GRK1: variants seen among roughly 807,000 people sequenced by gnomAD.
GRK1 encodes the protein rhodopsin kinase GRK1.
A neutral mutation model predicts 41.7 loss-of-function variants in GRK1; 28 were observed. The ratio of observed to expected loss-of-function variants is 0.67; its 90% CI spans 0.50 to 0.92. The LOEUF (loss-of-function observed/expected upper bound fraction) is 0.92, where lower values mean the gene tolerates loss of function less well. Among genes scored for constraint, GRK1 ranks in the 40% least tolerant of loss-of-function variants. The pLI is 0.00. For synonymous variants in GRK1, 327 were observed against 286.7 expected (o/e 1.14, Z -1.42); for missense variants, 703 against 671.2 (o/e 1.05, Z -0.52).
At chr13:113,733,664 TGTGTGCAC>T (rs796632828) in intron 6 of GRK1, among the ~76,000 whole-genome samples, 12,956 of 115,228 alleles carry the variant, frequency 0.11, 925 homozygotes, top group African/African-American at 0.2. Flanking sequence ...TGTGTGTGCG[TGTGTGCAC>T]GTGTGTGCAT....
the GRK1 span, among the ~76,000 whole-genome samples, chr13:113,651,363 C>T: frequency 1.3e-5 from 2 of 152,208 alleles, no homozygotes; most frequent in East Asian, 1.9e-4. Context: ...ATAAAAAGGA[C>T]AGAACTGGTG....
chr13:113,649,881 G>A, the GRK1 span, among the ~76,000 whole-genome samples: 1 of 152,192 alleles, frequency 6.6e-6, no homozygotes, highest in Non-Finnish European at 1.5e-5. This position sits in a 1 kb window ranked among gnomAD's most constrained non-coding sequence, Gnocchi z 4.7. Context: ...AGAAAAATTA[G>A]GCTGGGCGCA....
intron 6 of GRK1, chr13:113,734,328 T>A (rs972633905): frequency 6.6e-6 from 1 of 152,228 alleles, no homozygotes; most frequent in Admixed American, 6.5e-5. Flanking sequence ...CCAAGGGGGC[T>A]CCAAGGGGTC....
chr13:113,670,606 A>C (rs1273075987), intron 2 of GRK1, among the ~76,000 whole-genome samples: 1 of 152,156 alleles, frequency 6.6e-6, no homozygotes, highest in Non-Finnish European at 1.5e-5. Context: ...TTCAGATGAG[A>C]AATGTGAGTC....
the GRK1 span, chr13:113,653,023 C>T: frequency 1.2e-6 from 2 of 1,614,036 alleles, no homozygotes; most frequent in South Asian, 1.1e-5. Context: ...GGAAGAAGTA[C>T]TGCTCGGAGG....
the GRK1 span, chr13:113,650,426 A>G: frequency 1.9e-6 from 3 of 1,613,942 alleles, no homozygotes; most frequent in Non-Finnish European, 2.5e-6. This position sits in a 1 kb window ranked among gnomAD's most constrained non-coding sequence, Gnocchi z 5.0. Flanking sequence ...TTCCCGTAAT[A>G]AGGGAAGTAG....
the GRK1 span, chr13:113,653,408 C>G: frequency 5.0e-6 from 8 of 1,614,128 alleles, no homozygotes; most frequent in African/African-American, 5.3e-5. Context: ...CCTTTCTCCC[C>G]GTAAACATCC....
the GRK1 span, chr13:113,649,416 C>A: frequency 6.3e-6 from 10 of 1,590,082 alleles, no homozygotes; most frequent in Non-Finnish European, 8.6e-6. This position sits in a 1 kb window ranked among gnomAD's most constrained non-coding sequence, Gnocchi z 4.7. Context: ...TCCCTTCATA[C>A]GGGTCGTGGG....
Position 113,668,069 on chromosome 13 carries a change from A to C in GRK1, c.683A>C (p.Lys228Thr). Residue 228 changes from lysine (K) to threonine (T), a missense_variant, in exon 1 of 7, where the codon AAG becomes ACG. Lys to Thr is a moderately conservative substitution (Grantham distance 78). Transcript: ENST00000335678. ...AAGCTGAACAAGAAGCGGCTGAAGA[A>C]GAGGAAGGGCTACCAGGTGAGCAGC... ...CKKLNKKRLK[K>T]RKGYQGAMVE... 6.2e-7 allele frequency: 1 copy of C among 1,607,698 alleles called. No homozygotes were observed. The highest frequency in any genetic ancestry group is 8.5e-7 in the Non-Finnish European group (1 of 1,177,382).
chr13:113,670,865 GAGGGGTGCTAGGAAGCGCGGTCAC>G (rs1472721307), intron 2 of GRK1, among the ~76,000 whole-genome samples: 2 of 151,620 alleles, frequency 1.3e-5, no homozygotes, highest in Non-Finnish European at 2.9e-5. Context: ...AGGAGGAGGG[GAGGGGTGCTAGGAAGCGCGGTCAC>G]AGGGGTGCCC....
chr13:113,724,346 G>A (rs1387533975), intron 4 of GRK1, among the ~76,000 whole-genome samples: 1 of 152,208 alleles, frequency 6.6e-6, no homozygotes, highest in Non-Finnish European at 1.5e-5. Flanking sequence ...GGGTCCGCGT[G>A]TCGGGCTCAC....
chr13:113,667,518 G>A lies in GRK1; in HGVS notation c.132G>A (p.Leu44=). The A allele has an allele frequency of 6.2e-7, 1 of 1,613,350 alleles. No individual in the cohort carries two copies. The highest frequency in any genetic ancestry group is 8.5e-7 in the Non-Finnish European group (1 of 1,179,836). ...TGGCCAAGCTCAAGCTGCCCCCGCT[G>A]TCCAAGTGTGAGTCCCTCCGCGACA... The part of the protein sequence containing the change: ...KYLAKLKLPP[L]SKCESLRDSL... The change falls in exon 1 of 7, where the codon CTG becomes CTA. Residue 44 remains leucine (L), a synonymous_variant. Transcript: ENST00000335678. The surrounding 1 kb of genome is among the most constrained non-coding windows in gnomAD (Gnocchi z 7.5).
intron 4 of GRK1, among the ~76,000 whole-genome samples, chr13:113,724,800 A>T (rs1365449373): frequency 6.6e-6 from 1 of 152,144 alleles, no homozygotes; most frequent in Non-Finnish European, 1.5e-5. Context: ...GGTGGGTAGA[A>T]ACGGTTGGCG....
rs2050012002 is a variant in GRK1, at chr13:113,737,348, C to T, written c.*1985C>T. 2 of 132,554 alleles carry T rather than the reference C, an allele frequency of 1.5e-5. No homozygotes were observed. The highest frequency in any genetic ancestry group is 1.5e-4 in the Admixed American group (2 of 13,632). 8.2% of individuals were successfully genotyped at this position (132,554 alleles called of 1,614,324 possible). A position where few individuals can be genotyped will look rare whatever the true frequency, so the allele number is the denominator to read the frequency against. On this transcript the variant is annotated 3_prime_UTR_variant, in exon 7 of 7. Coordinates refer to ENST00000335678, the MANE Select transcript of GRK1 (RefSeq NM_002929.3). ...CCATAGATCCCACATCGGCCACACC[C>T]TGGGTGAGGAGCATGTCTTCCCATA...
At chr13:113,670,888 A>G (rs2049852615) in intron 2 of GRK1, among the ~76,000 whole-genome samples, 1 of 152,062 alleles carries the variant, frequency 6.6e-6, no homozygotes, top group Admixed American at 6.5e-5. Context: ...AAGCGCGGTC[A>G]CAGGGGTGCC....
chr13:113,662,052 A>G, the GRK1 span, among the ~76,000 whole-genome samples: 1 of 152,250 alleles, frequency 6.6e-6, no homozygotes, highest in Non-Finnish European at 1.5e-5. Context: ...TCCCTCATGA[A>G]TATAGATGCA....
intron 6 of GRK1, among the ~76,000 whole-genome samples, chr13:113,734,183 A>G (rs562112429): frequency 2.6e-5 from 4 of 152,326 alleles, no homozygotes; most frequent in East Asian, 3.9e-4. Context: ...AACTTAGGAC[A>G]GGGCCACAGG....
At chr13:113,663,710 C>A (rs1240450037), upstream of GRK1, among the ~76,000 whole-genome samples, 2 of 152,204 alleles carry the variant, frequency 1.3e-5, no homozygotes, top group East Asian at 1.9e-4. Flanking sequence ...GAAAGGTGTT[C>A]TTCCACCATT....
rs984893921 is a variant in GRK1 at position 113,736,286 on chromosome 13, G to A, written c.*923G>A. Reference sequence around the variant, plus strand: ...GGCTGGTCCGTCTCATCTCCCAGGGGACACTTCAGGCCACGGGCCTTGTGC... The same window carrying A: ...GGCTGGTCCGTCTCATCTCCCAGGGAACACTTCAGGCCACGGGCCTTGTGC... On this transcript the variant is annotated 3_prime_UTR_variant, in exon 7 of 7. Coordinates refer to ENST00000335678, the MANE Select transcript of GRK1 (RefSeq NM_002929.3). 6.6e-6 allele frequency: 1 copy of A among 152,286 alleles called. No individual in the cohort carries two copies. Among genetic ancestry groups the A allele is most frequent in the East Asian group, 1.9e-4 (1 of 5,186 alleles). 9.4% of individuals were successfully genotyped at this position (152,286 alleles called of 1,614,324 possible). A position where few individuals can be genotyped will look rare whatever the true frequency, so the allele number is the denominator to read the frequency against.
Sources: allele counts gnomAD v4.1 joint callset (sites outside exome capture counted in the v4.1 genomes callset), GRCh38; gene constraint gnomAD v4.1.1; non-coding constraint Gnocchi (gnomAD v3.1); transcripts MANE v1.5; gene names NCBI Gene and HGNC (gene_info 2026-07-23, HGNC 2026-07-21).